TMX1: variants seen among roughly 807,000 people sequenced by gnomAD.
The protein encoded by TMX1 is thioredoxin related transmembrane protein 1.
Under a neutral mutation model 36.6 loss-of-function variants are expected in TMX1, and 25 were observed. The ratio of observed to expected loss-of-function variants is 0.68; its 90% confidence interval spans 0.50 to 0.95. TMX1 has a LOEUF of 0.95. TMX1 is among the 40% of genes least tolerant of loss of function. The pLI is 0.00. For missense variants in TMX1, 347 were observed against 339.6 expected, an observed-to-expected ratio of 1.02 and a Z score of -0.17; for synonymous variants, 133 against 118.0, an observed-to-expected ratio of 1.13 and a Z score of -0.82.
chr14:51,250,672 T>C (rs1055163321), intron 7 of TMX1, among the ~76,000 whole-genome samples: 6 of 152,168 alleles, frequency 3.9e-5, no homozygotes, highest in Admixed American at 3.3e-4. Flanking sequence ...TTTGTGTTTT[T>C]AGTAGAGACG....
chr14:51,248,948 T>A (rs1015574691), intron 4 of TMX1, among the ~76,000 whole-genome samples: 2 of 152,190 alleles, frequency 1.3e-5, no homozygotes, highest in African/African-American at 4.8e-5. Flanking sequence ...TAGCCTCCCT[T>A]TGGTCTTGCT....
intron 1 of TMX1, among the ~76,000 whole-genome samples, chr14:51,240,756 G>T (rs1272448341): frequency 6.6e-6 from 1 of 152,202 alleles, no homozygotes; most frequent in African/African-American, 2.4e-5. Context: ...TGCGACTGGG[G>T]CGCGGGGAGG....
intron 4 of TMX1, 73 bp from the exon 5 acceptor site, chr14:51,249,253 A>G (rs1223515220): frequency 3.2e-6 from 4 of 1,244,218 alleles, no homozygotes; most frequent in Non-Finnish European, 4.5e-6. Flanking sequence ...GGGAAATTAT[A>G]GAGTAGAAAA....
chr14:51,255,431 A>G lies in TMX1; in HGVS notation c.*912A>G, dbSNP rs1373508666. 1 of 150,642 alleles carries G rather than the reference A, an allele frequency of 6.6e-6. No homozygotes were observed. The highest frequency in any genetic ancestry group is 1.5e-5 in the Non-Finnish European group (1 of 67,650). 9.3% of individuals were successfully genotyped at this position (150,642 alleles called of 1,614,324 possible). A position where few individuals can be genotyped will look rare whatever the true frequency, so the allele number is the denominator to read the frequency against. ...TTTCTTTTTGGATGTGAAGGTGAAC[A>G]TTCCTGATTTTTGTCTGATGTGAAA... On this transcript the variant is annotated 3_prime_UTR_variant, in exon 8 of 8. Transcript: ENST00000457354.
intron 4 of TMX1, 104 bp from the exon 5 acceptor site, chr14:51,249,222 G>A: frequency 1.1e-6 from 1 of 904,834 alleles, no homozygotes; most frequent in African/African-American, 1.7e-5. Flanking sequence ...TTGATTAACA[G>A]CAATAAAATC....
At chr14:51,244,255 C>T (rs546836686) in intron 2 of TMX1, 104 of 205,222 alleles carry the variant, frequency 5.1e-4, no homozygotes, top group Non-Finnish European at 7.8e-4. Context: ...ACATAACTGC[C>T]TCTGATTTGT....
At position 51,249,540 on chromosome 14, in the gene TMX1, ACT is replaced by A; in HGVS notation, c.565_566del (p.Leu189ValfsTer54). On this transcript the variant is annotated frameshift_variant, in exon 6 of 8. Coordinates refer to ENST00000457354, the MANE Select transcript of TMX1 (RefSeq NM_030755.5). LOFTEE classifies it high-confidence loss of function. ...ATCATATACTGTTTTTGCTTTAGCA[ACT>A]CTGTTTTCCGGACTGTTATTAGGAC... The part of the protein sequence containing the change: ...WGSYTVFALA[T>X]LFSGLLLGLC... 1 of 1,612,552 alleles carries A rather than the reference ACT, an allele frequency of 6.2e-7. No homozygotes were observed. Among genetic ancestry groups the A allele is most frequent in the Non-Finnish European group, 8.5e-7 (1 of 1,179,548 alleles).
chr14:51,245,251 T>A (rs2065779903), intron 2 of TMX1, 62 bp from the exon 3 acceptor site: 4 of 1,590,328 alleles, frequency 2.5e-6, no homozygotes, highest in Admixed American at 1.7e-5. Context: ...TAATTCAAAG[T>A]CACGTTTTAA....
At position 51,254,759 on chromosome 14, in the gene TMX1, A is replaced by T; in HGVS notation, c.*240A>T. On this transcript the variant is annotated 3_prime_UTR_variant, in exon 8 of 8. Coordinates refer to ENST00000457354, the MANE Select transcript of TMX1 (RefSeq NM_030755.5). ...TAATTTTTGAAAAATCGTGCCAAGC[A>T]ATAAGATTTATGTATATTTGTTTAA... The T allele has an allele frequency of 3.2e-6, 1 of 314,824 alleles. No homozygotes were observed. Among genetic ancestry groups the T allele is most frequent in the Non-Finnish European group, 5.7e-6 (1 of 174,910 alleles). The allele number at this position is 314,824 out of a possible 1,614,324, so 19.5% of individuals were successfully genotyped here.
At chr14:51,245,782 A>G in intron 3 of TMX1, 1 of 311,994 alleles carries the variant, frequency 3.2e-6, no homozygotes. Flanking sequence ...TTGTGAGGAC[A>G]ATCTCATAAA....
chr14:51,240,592 T>C, intron 1 of TMX1, 148 bp downstream of exon 1: 2 of 1,207,212 alleles, frequency 1.7e-6, no homozygotes, highest in Non-Finnish European at 1.1e-6. Context: ...CCCAAACTCT[T>C]GGGATCTGCC....
At chr14:51,243,760 A>C (rs2065772811) in intron 1 of TMX1, 96 bp from the exon 2 acceptor site, 9 of 868,226 alleles carry the variant, frequency 1.0e-5, no homozygotes, top group Non-Finnish European at 1.3e-5. Context: ...CATATGAAAT[A>C]TTCTTCATAA....
rs1483015545 is a variant in TMX1, at chr14:51,255,214, T to C, written c.*695T>C. ...TACTATGGGTTACATTTTTTATTTT[T>C]CAAATTGGATGATAATTTCTTGGAA... On this transcript the variant is annotated 3_prime_UTR_variant, in exon 8 of 8. Coordinates refer to ENST00000457354, the MANE Select transcript of TMX1 (RefSeq NM_030755.5). The C allele has an allele frequency of 6.6e-6, 1 of 152,094 alleles. No individual in the cohort carries two copies. The highest frequency in any genetic ancestry group is 1.9e-4 in the East Asian group (1 of 5,206). 9.4% of individuals were successfully genotyped at this position (152,094 alleles called of 1,614,324 possible).
rs549174730 is a variant in TMX1, at chr14:51,255,822, G to C, written c.*1303G>C. The stretch of plus-strand genomic sequence containing the variant: ...AAATCATAAATACAATGAATCAACT[G>C]ACCATTACGTAGTAGACAATTTCTG... On this transcript the variant is annotated 3_prime_UTR_variant, in exon 8 of 8. Transcript: ENST00000457354. 5.3e-5 allele frequency: 8 copies of C among 152,272 alleles called. No homozygotes were observed. Among genetic ancestry groups the C allele is most frequent in the Admixed American group, 6.5e-5 (1 of 15,286 alleles). The allele number at this position is 152,272 out of a possible 1,614,324, so 9.4% of individuals were successfully genotyped here.
intron 3 of TMX1, among the ~76,000 whole-genome samples, chr14:51,246,507 A>G (rs1042950834): frequency 2.0e-5 from 3 of 152,174 alleles, no homozygotes; most frequent in South Asian, 4.1e-4. Context: ...CCAAGAGAAC[A>G]TTTGTGACTC....
chr14:51,249,643 C>G (rs1004724089), intron 6 of TMX1, 50 bp from the exon 7 acceptor site: 3 of 1,590,190 alleles, frequency 1.9e-6, no homozygotes, highest in Non-Finnish European at 2.6e-6. Context: ...GTTACATTAG[C>G]TGTGGCATAT....
chr14:51,244,087 A>G (rs945186208), intron 2 of TMX1, 116 bp downstream of exon 2: 1 of 820,504 alleles, frequency 1.2e-6, no homozygotes, highest in African/African-American at 1.8e-5. Flanking sequence ...AAAACCTAAC[A>G]GTCTGCAGCT....
At chr14:51,247,682 C>T (rs1475568366) in intron 4 of TMX1, among the ~76,000 whole-genome samples, 1 of 152,056 alleles carries the variant, frequency 6.6e-6, no homozygotes, top group Non-Finnish European at 1.5e-5. Context: ...TTTAGTTTGA[C>T]CTTCTAAGTC....
intron 4 of TMX1, among the ~76,000 whole-genome samples, chr14:51,247,810 G>A (rs1423388699): frequency 6.6e-6 from 1 of 152,126 alleles, no homozygotes; most frequent in Non-Finnish European, 1.5e-5. Flanking sequence ...AAAACTAAAT[G>A]CCCCTAAGAG....
Sources: allele counts gnomAD v4.1 joint callset (sites outside exome capture counted in the v4.1 genomes callset), GRCh38; gene constraint gnomAD v4.1.1; transcripts MANE v1.5; gene names NCBI Gene and HGNC (gene_info 2026-07-23, HGNC 2026-07-21).